Variants in KCNIP4 observed in about 807,000 individuals in gnomAD.
The protein encoded by KCNIP4 is potassium voltage-gated channel interacting protein 4, also known as Kv channel-interacting protein 4.
KCNIP4 carries 12 observed loss-of-function variants against 34.0 expected under a neutral mutation model. That is an observed-to-expected ratio of 0.35 (90% confidence interval 0.23 to 0.57). The LOEUF is 0.57. KCNIP4 is among the 20% of genes least tolerant of loss of function. The pLI is 0.83. For missense variants in KCNIP4, 238 were observed against 311.7 expected (o/e 0.76, Z 1.78); for synonymous variants, 124 against 102.2 (o/e 1.21, Z -1.29).
At chr4:21,596,265 T>C (rs1044126216) in intron 1 of KCNIP4, among the ~76,000 whole-genome samples, 6 of 152,172 alleles carry the variant, frequency 3.9e-5, no homozygotes, top group Admixed American at 3.3e-4. Flanking sequence ...ACTGTTTGGA[T>C]GAATTCTAAT....
At chr4:20,846,674 A>T (rs906325750) in intron 3 of KCNIP4, among the ~76,000 whole-genome samples, 3 of 152,136 alleles carry the variant, frequency 2.0e-5, no homozygotes, top group African/African-American at 7.2e-5. Flanking sequence ...ACGCGCACAC[A>T]CAACACACAC....
chr4:21,781,119 CAT>C (rs1217033577), intron 1 of KCNIP4, among the ~76,000 whole-genome samples: 1 of 152,152 alleles, frequency 6.6e-6, no homozygotes, highest in Non-Finnish European at 1.5e-5. Flanking sequence ...ATAATCCCCA[CAT>C]GTTGAGGGAG....
chr4:20,785,427 A>G (rs935898351), intron 3 of KCNIP4, among the ~76,000 whole-genome samples: 3 of 150,848 alleles, frequency 2.0e-5, no homozygotes, highest in African/African-American at 7.3e-5. Context: ...CTCTGCAGAT[A>G]CCACTTAGGA....
chr4:20,760,719 G>A (rs114562897), intron 3 of KCNIP4, among the ~76,000 whole-genome samples: 1,901 of 152,222 alleles, frequency 0.012, 18 homozygotes, highest in Non-Finnish European at 0.02. Flanking sequence ...GGGGAAGCTG[G>A]AATGTGGGCT....
intron 4 of KCNIP4, among the ~76,000 whole-genome samples, chr4:20,754,101 T>C (rs1347614155): frequency 1.3e-5 from 2 of 152,198 alleles, no homozygotes; most frequent in Non-Finnish European, 2.9e-5. Context: ...TAAGAAGTTT[T>C]TGTGTAACCA....
intron 3 of KCNIP4, among the ~76,000 whole-genome samples, chr4:20,824,510 T>C (rs1717486179): frequency 6.6e-6 from 1 of 152,024 alleles, no homozygotes; most frequent in African/African-American, 2.4e-5. Flanking sequence ...TGAAACCCCA[T>C]CTCTACTAAA....
At chr4:21,142,741 G>C (rs1178792785) in intron 1 of KCNIP4, among the ~76,000 whole-genome samples, 2 of 152,104 alleles carry the variant, frequency 1.3e-5, no homozygotes, top group African/African-American at 2.4e-5. Context: ...CCCAAGAAAC[G>C]TGTCACAGCT....
intron 1 of KCNIP4, among the ~76,000 whole-genome samples, chr4:21,094,728 T>G (rs976846835): frequency 2.6e-5 from 4 of 152,174 alleles, no homozygotes; most frequent in African/African-American, 9.7e-5. Flanking sequence ...TCACTTGCTC[T>G]GGGGAAAGGC....
intron 1 of KCNIP4, among the ~76,000 whole-genome samples, chr4:21,315,506 C>A (rs1713647268): frequency 6.6e-6 from 1 of 152,144 alleles, no homozygotes; most frequent in Non-Finnish European, 1.5e-5. Context: ...AATTTTTGGA[C>A]AGCTAAAAGT....
At chr4:20,940,950 G>A (rs1257938255) in intron 1 of KCNIP4, among the ~76,000 whole-genome samples, 1 of 152,172 alleles carries the variant, frequency 6.6e-6, no homozygotes, top group Non-Finnish European at 1.5e-5. Flanking sequence ...ATGCCTGAGT[G>A]ACAATGAGCA....
chr4:21,748,876 C>T lies in KCNIP4; in HGVS notation c.61+199695G>A, dbSNP rs184537778. 6.6e-5 allele frequency among the ~76,000 whole-genome samples: 10 copies of T among 152,164 alleles called. No individual in the cohort carries two copies. In the East Asian group the frequency reaches 1.4e-3, roughly 21 times the overall value. ...CCAGTTCCTGGGTTTTGATGGCATT[C>T]ACCATCCAATTTGAGAAAAATGGTA... On this transcript the variant is annotated intron_variant, in intron 1 of 8. Transcript: ENST00000382152.
intron 1 of KCNIP4, among the ~76,000 whole-genome samples, chr4:21,171,379 G>A (rs1360451890): frequency 6.6e-6 from 1 of 152,164 alleles, no homozygotes; most frequent in Non-Finnish European, 1.5e-5. Flanking sequence ...GCAGAGAGGA[G>A]CCTGTCTTTG....
intron 3 of KCNIP4, among the ~76,000 whole-genome samples, chr4:20,782,463 T>G (rs1247344524): frequency 1.3e-5 from 2 of 152,178 alleles, no homozygotes; most frequent in Non-Finnish European, 2.9e-5. Context: ...CCATACATCT[T>G]CTGAAATCTA....
intron 1 of KCNIP4, among the ~76,000 whole-genome samples, chr4:21,894,080 T>C (rs1277622083): frequency 6.6e-6 from 1 of 152,024 alleles, no homozygotes; most frequent in African/African-American, 2.4e-5. Context: ...GCATGTAATC[T>C]TAGTCCTTTG....
rs75939473 is a variant in KCNIP4 at position 21,702,747 on chromosome 4, T to G, written c.61+245824A>C. Among the ~76,000 whole-genome samples, 298 of 152,196 alleles carry G rather than the reference T, an allele frequency of 2.0e-3. 7 individuals are homozygous for G. The South Asian group carries it at 0.036, about 18-fold the overall frequency. ...CAAGAGTTATACTTCATAATTCATT[T>G]TATGAGTACAGTATTGGCATGACAC... On this transcript the variant is annotated intron_variant, in intron 1 of 8. Coordinates refer to ENST00000382152, the MANE Select transcript of KCNIP4 (RefSeq NM_025221.6).
intron 1 of KCNIP4, among the ~76,000 whole-genome samples, chr4:21,015,955 G>C (rs1359847921): frequency 1.4e-5 from 2 of 142,296 alleles, no homozygotes; most frequent in African/African-American, 5.1e-5. Context: ...TTAAAAAAGA[G>C]AGAAAGCTTA....
At chr4:20,936,065 A>C (rs1731025278) in intron 1 of KCNIP4, among the ~76,000 whole-genome samples, 1 of 151,422 alleles carries the variant, frequency 6.6e-6, no homozygotes, top group Admixed American at 6.6e-5. Flanking sequence ...CAGGATTCTT[A>C]ATCATATGAA....
intron 1 of KCNIP4, among the ~76,000 whole-genome samples, chr4:21,365,362 G>A (rs1719640629): frequency 6.6e-6 from 1 of 151,898 alleles, no homozygotes; most frequent in South Asian, 2.1e-4. Context: ...GTGTGCACCT[G>A]TAATCCCAGC....
chr4:21,504,451 G>A (rs1223294378), intron 1 of KCNIP4, among the ~76,000 whole-genome samples: 2 of 55,226 alleles, frequency 3.6e-5, no homozygotes, highest in Admixed American at 4.3e-4. Flanking sequence ...CTGGGCAATA[G>A]AATGACTCCA....
Sources: allele counts gnomAD v4.1 joint callset (sites outside exome capture counted in the v4.1 genomes callset), GRCh38; gene constraint gnomAD v4.1.1; transcripts MANE v1.5; gene names NCBI Gene and HGNC (gene_info 2026-07-23, HGNC 2026-07-21).